The following BBX variants were observed in gnomAD, a reference collection of about 807,000 sequenced individuals.
BBX encodes the protein HMG box transcription factor BBX.
BBX carries 30 observed loss-of-function variants against 100.2 expected under a neutral mutation model. The ratio of observed to expected loss-of-function variants is 0.30; its 90% CI spans 0.22 to 0.41. The LOEUF is 0.41. BBX is among the 10% of genes least tolerant of loss of function. BBX has a pLI of 1.00. For synonymous variants in BBX, 376 were observed against 388.1 expected (o/e 0.97, Z 0.37); for missense variants, 1,023 against 1,129.8 (o/e 0.91, Z 1.35).
chr3:107,740,475 G>A (rs946247918), intron 7 of BBX, among the ~76,000 whole-genome samples: 2 of 151,774 alleles, frequency 1.3e-5, no homozygotes, highest in East Asian at 3.9e-4. Context: ...CTTCTAATTA[G>A]CCTCCTGCCT....
chr3:107,697,969 G>A (rs560062067), intron 3 of BBX, among the ~76,000 whole-genome samples: 11 of 151,944 alleles, frequency 7.2e-5, no homozygotes, highest in Admixed American at 2.6e-4. Flanking sequence ...TCCAGGGGCC[G>A]TCTGTCACCA....
At chr3:107,652,195 G>C (rs76962110) in intron 3 of BBX, among the ~76,000 whole-genome samples, 2 of 92,720 alleles carry the variant, frequency 2.2e-5, no homozygotes, top group East Asian at 3.2e-4. Flanking sequence ...AATGAACTTT[G>C]TTTCTTTTTT....
intron 1 of BBX, chr3:107,525,264 G>A (rs1322146791): frequency 6.6e-6 from 1 of 151,664 alleles, no homozygotes; most frequent in Admixed American, 6.6e-5. Flanking sequence ...GTGCCTCCCT[G>A]GGGGGCAGCG....
chr3:107,754,949 T>G (rs1349773628), intron 9 of BBX, among the ~76,000 whole-genome samples: 2 of 152,248 alleles, frequency 1.3e-5, no homozygotes, highest in Admixed American at 1.3e-4. Flanking sequence ...TAGCCAAATT[T>G]GCAGAAGAGG....
At chr3:107,760,535 A>G (rs900720878) in intron 10 of BBX, among the ~76,000 whole-genome samples, 7 of 152,218 alleles carry the variant, frequency 4.6e-5, no homozygotes, top group African/African-American at 1.7e-4. Context: ...AGTTGTAGAG[A>G]TAAGATATAA....
chr3:107,722,108 A>G (rs1018329924), intron 5 of BBX, among the ~76,000 whole-genome samples: 1 of 152,056 alleles, frequency 6.6e-6, no homozygotes, highest in African/African-American at 2.4e-5. Flanking sequence ...AGTGTTATTA[A>G]TAGCCTCTAG....
intron 3 of BBX, among the ~76,000 whole-genome samples, chr3:107,700,560 G>A (rs1270050271): frequency 3.3e-5 from 5 of 150,002 alleles, no homozygotes; most frequent in African/African-American, 1.0e-4. Flanking sequence ...TTAGCATTAG[G>A]TATATCTCCT....
intron 5 of BBX, among the ~76,000 whole-genome samples, chr3:107,724,081 T>C (rs1239364970): frequency 6.6e-6 from 1 of 152,212 alleles, no homozygotes; most frequent in Non-Finnish European, 1.5e-5. Flanking sequence ...TGTTGTTTCC[T>C]GACTTTTTAA....
chr3:107,806,568 G>A lies in BBX; in HGVS notation c.*1111G>A, dbSNP rs1451559960. ...TTAGGAGGTACTGAGTCAATGATGA[G>A]GGAGGTATGCCTGACCAGAGTGGGA... On this transcript the variant is annotated 3_prime_UTR_variant, in exon 18 of 18. Coordinates refer to ENST00000325805, the MANE Select transcript of BBX (RefSeq NM_001142568.3). 1.3e-5 allele frequency: 2 copies of A among 152,194 alleles called. No homozygotes were observed. Among genetic ancestry groups the A allele is most frequent in the African/African-American group, 4.8e-5 (2 of 41,436 alleles). 9.4% of individuals were successfully genotyped at this position (152,194 alleles called of 1,614,324 possible).
chr3:107,658,561 A>G (rs1273025125), intron 3 of BBX, among the ~76,000 whole-genome samples: 2 of 152,184 alleles, frequency 1.3e-5, no homozygotes, highest in Non-Finnish European at 2.9e-5. Context: ...GGCCAACTGC[A>G]TATGCAGTTC....
intron 12 of BBX, 121 bp from the exon 13 acceptor site, chr3:107,778,250 T>C: frequency 8.1e-7 from 1 of 1,236,872 alleles, no homozygotes. Flanking sequence ...TTGCACAGAA[T>C]TTACTTACCT....
At chr3:107,706,214 G>A (rs1304408558) in intron 3 of BBX, among the ~76,000 whole-genome samples, 1 of 151,936 alleles carries the variant, frequency 6.6e-6, no homozygotes, top group African/African-American at 2.4e-5. Context: ...AGTAGAAACA[G>A]GGTTTCACCA....
chr3:107,678,804 GATA>G (rs1207536465), intron 3 of BBX, among the ~76,000 whole-genome samples: 32 of 152,136 alleles, frequency 2.1e-4, no homozygotes, highest in African/African-American at 7.2e-4. Flanking sequence ...TAATTATGAT[GATA>G]ATGATAGCAA....
chr3:107,752,217 C>A (rs1280106149), intron 9 of BBX, among the ~76,000 whole-genome samples: 1 of 152,082 alleles, frequency 6.6e-6, no homozygotes, highest in Non-Finnish European at 1.5e-5. Flanking sequence ...TATAATCTCA[C>A]CAAAATTAAA....
At chr3:107,738,907 T>C (rs1170060618) in intron 7 of BBX, among the ~76,000 whole-genome samples, 2 of 152,082 alleles carry the variant, frequency 1.3e-5, no homozygotes, top group East Asian at 3.9e-4. Context: ...GTCAGAGAGG[T>C]GAAATAACTT....
chr3:107,772,410 G>A (rs778110330), intron 10 of BBX, among the ~76,000 whole-genome samples: 14 of 152,232 alleles, frequency 9.2e-5, no homozygotes, highest in Non-Finnish European at 1.5e-4. Context: ...TGACAATTCA[G>A]AGATACGTTT....
chr3:107,653,819 G>A (rs1290025195), intron 3 of BBX, among the ~76,000 whole-genome samples: 1 of 152,158 alleles, frequency 6.6e-6, no homozygotes, highest in Non-Finnish European at 1.5e-5. Context: ...AAGGGGCTTA[G>A]CAACCTACTG....
In BBX at chr3:107,805,740, G is replaced by C. The variant is rs2071021553; in HGVS notation, c.*283G>C. On this transcript the variant is annotated 3_prime_UTR_variant, in exon 18 of 18. Transcript: ENST00000325805. ...TGAAGGCTTTTGACGGTAATAGGTG[G>C]TAACTTGGTAAAAGGCTGCCTTTAC... is the stretch of plus-strand genomic sequence containing the variant. 1 of 437,512 alleles carries C rather than the reference G, an allele frequency of 2.3e-6. No homozygotes were observed. Among genetic ancestry groups the C allele is most frequent in the Non-Finnish European group, 3.9e-6 (1 of 253,944 alleles). The allele number at this position is 437,512 out of a possible 1,614,324, so 27.1% of individuals were successfully genotyped here. A position where few individuals can be genotyped will look rare whatever the true frequency, so the allele number is the denominator to read the frequency against.
rs184798467 is a variant in BBX at position 107,621,816 on chromosome 3, G to A, written c.-83-24020G>A. ...GATCCTACTGGCCTTCAGTGCCACG[G>A]GCCAAATTTATTTCAATCAATGAAC... On this transcript the variant is annotated intron_variant, in intron 2 of 17. Coordinates refer to ENST00000325805, the MANE Select transcript of BBX (RefSeq NM_001142568.3). 3.0e-4 allele frequency among the ~76,000 whole-genome samples: 46 copies of A among 152,166 alleles called. 1 individual carries two copies. In the East Asian group the frequency reaches 4.8e-3, roughly 16 times the overall value.
Sources: allele counts gnomAD v4.1 joint callset (sites outside exome capture counted in the v4.1 genomes callset), GRCh38; gene constraint gnomAD v4.1.1; transcripts MANE v1.5; gene names NCBI Gene and HGNC (gene_info 2026-07-23, HGNC 2026-07-21).